The following WARS1 variants were observed in gnomAD, a reference collection of about 807,000 sequenced individuals.
WARS1 encodes the protein tryptophanyl-tRNA synthetase 1, also known as tryptophan--tRNA ligase, cytoplasmic.
A neutral mutation model predicts 47.8 loss-of-function variants in WARS1; 17 were observed. The ratio of observed to expected loss-of-function variants is 0.36; its 90% CI spans 0.24 to 0.53. The LOEUF (loss-of-function observed/expected upper bound fraction) is 0.53. WARS1 is among the 20% of genes least tolerant of loss of function. The pLI is 0.91. For synonymous variants in WARS1, 208 were observed against 228.1 expected (o/e 0.91, Z 0.79); for missense variants, 434 against 608.0 (o/e 0.71, Z 3.01).
chr14:100,368,579 A>G (rs1896149275), intron 2 of WARS1: 1 of 436,678 alleles, frequency 2.3e-6, no homozygotes, highest in Admixed American at 2.4e-5. Context: ...GGTGGGCTGG[A>G]GGGCCACTGT....
At chr14:100,356,785 C>T (rs974327900) in intron 4 of WARS1, among the ~76,000 whole-genome samples, 1 of 152,170 alleles carries the variant, frequency 6.6e-6, no homozygotes, top group Non-Finnish European at 1.5e-5. Flanking sequence ...CTTCCCAACT[C>T]ATTCTATGAG....
Position 100,342,967 on chromosome 14 carries a change from C to T in WARS1, c.939+308G>A, listed in dbSNP as rs564129208. The stretch of plus-strand genomic sequence containing the variant: ...AGGCTAGAGTGCAGTGATGCGCTCT[C>T]GCTGCAACCTCTGCCTCTGGGGTTC... On this transcript the variant is annotated intron_variant, in intron 8 of 10. Transcript: ENST00000392882. Among the ~76,000 whole-genome samples, 10 of 152,226 alleles carry T rather than the reference C, an allele frequency of 6.6e-5. No homozygotes were observed. In the South Asian group the frequency reaches 1.0e-3, roughly 16 times the overall value.
chr14:100,351,976 G>A (rs905853881), intron 6 of WARS1, among the ~76,000 whole-genome samples: 2 of 142,304 alleles, frequency 1.4e-5, no homozygotes, highest in Admixed American at 1.5e-4. Flanking sequence ...CTGGGTGACA[G>A]AGCGAGACTC....
At chr14:100,361,117 T>C (rs763784212) in intron 3 of WARS1, among the ~76,000 whole-genome samples, 2 of 152,278 alleles carry the variant, frequency 1.3e-5, no homozygotes, top group African/African-American at 4.8e-5. Flanking sequence ...TTTCCCTCAT[T>C]GATAGTCTAT....
rs1436490281 is a variant in WARS1 at position 100,373,321 on chromosome 14, C to T, written c.-74+1962G>A. On this transcript the variant is annotated intron_variant, in intron 1 of 10. Transcript: ENST00000392882. This position sits in a 1 kb window ranked among gnomAD's most constrained non-coding sequence, Gnocchi z 4.4. ...CGTCCTGGTACTGAGTTGAGCTTTC[C>T]CACATCTAAGGAGAGCCAGGCTGGT... Among the ~76,000 whole-genome samples, 1 of 152,122 alleles carries T rather than the reference C, an allele frequency of 6.6e-6. No individual in the cohort carries two copies. Among genetic ancestry groups the T allele is most frequent in the Non-Finnish European group, 1.5e-5 (1 of 68,010 alleles).
At position 100,372,603 on chromosome 14, in the gene WARS1, C is replaced by T. The variant is rs556919698; in HGVS notation, c.-74+2680G>A. ...CCAGCAACAAGCTGAGCAAATCAGT[C>T]GAAATCCATTTCTCTCTAAGGTCTC... On this transcript the variant is annotated intron_variant, in intron 1 of 10. Coordinates refer to ENST00000392882, the MANE Select transcript of WARS1 (RefSeq NM_004184.4). Among the ~76,000 whole-genome samples the T allele has an allele frequency of 1.6e-4, 25 of 152,284 alleles. No individual in the cohort carries two copies. In the East Asian group the frequency reaches 2.9e-3, roughly 18 times the overall value.
At chr14:100,340,118 T>C (rs1323627533) in intron 9 of WARS1, 1 of 152,252 alleles carries the variant, frequency 6.6e-6, no homozygotes, top group Non-Finnish European at 1.5e-5. Context: ...GTGACAGGGA[T>C]TGGCAGGACC....
chr14:100,338,995 A>G (rs999595613), intron 9 of WARS1, among the ~76,000 whole-genome samples: 3 of 151,456 alleles, frequency 2.0e-5, no homozygotes, highest in Non-Finnish European at 2.9e-5. Context: ...AATCCCAGCT[A>G]TTTGGGAGGT....
chr14:100,337,227 C>G, intron 9 of WARS1, 25 bp from the exon 10 acceptor site: 2 of 1,611,012 alleles, frequency 1.2e-6, no homozygotes, highest in Non-Finnish European at 1.7e-6. Context: ...GACACAGACA[C>G]GCTCCTCAGT....
chr14:100,356,347 C>G (rs1386723656), intron 4 of WARS1, among the ~76,000 whole-genome samples: 2 of 142,376 alleles, frequency 1.4e-5, no homozygotes, highest in Admixed American at 7.4e-5. Context: ...GACTACAAAC[C>G]AACAAAATTA....
chr14:100,358,591 T>C (rs1292062185), intron 4 of WARS1, among the ~76,000 whole-genome samples: 2 of 152,166 alleles, frequency 1.3e-5, no homozygotes, highest in Non-Finnish European at 2.9e-5. Flanking sequence ...GAAGAAACCA[T>C]AGGTGTAAAT....
intron 9 of WARS1, among the ~76,000 whole-genome samples, chr14:100,341,800 G>GT (rs1258019852): frequency 6.6e-6 from 1 of 152,228 alleles, no homozygotes; most frequent in Non-Finnish European, 1.5e-5. Context: ...CTCTCAGTGA[G>GT]AACGCTCTCT....
At chr14:100,359,643 A>G (rs1895538185) in intron 4 of WARS1, among the ~76,000 whole-genome samples, 1 of 152,198 alleles carries the variant, frequency 6.6e-6, no homozygotes, top group Non-Finnish European at 1.5e-5. Flanking sequence ...AATTTTTACA[A>G]CTTCTGGCAT....
intron 3 of WARS1, among the ~76,000 whole-genome samples, chr14:100,361,316 G>A (rs1895647943): frequency 6.6e-6 from 1 of 152,194 alleles, no homozygotes; most frequent in South Asian, 2.1e-4. Context: ...CTGCTCTTAA[G>A]CTGACTTCCA....
intron 2 of WARS1, among the ~76,000 whole-genome samples, chr14:100,362,953 A>C (rs897023295): frequency 6.6e-6 from 1 of 152,218 alleles, no homozygotes; most frequent in Non-Finnish European, 1.5e-5. Flanking sequence ...CTACAAAATT[A>C]TCTGAGACTC....
rs1006094191 is a variant in WARS1 at position 100,366,150 on chromosome 14, C to A, written c.99+2937G>T. The A allele has an allele frequency of 1.3e-4, 57 of 455,316 alleles. No homozygotes were observed. The Middle Eastern group carries it at 2.0e-3, about 16-fold the overall frequency. The allele number at this position is 455,316 out of a possible 1,614,324, so 28.2% of individuals were successfully genotyped here. A position where few individuals can be genotyped will look rare whatever the true frequency, so the allele number is the denominator to read the frequency against. Reference sequence around the variant, plus strand: ...GCAGTCTGCACAGTTGGGGCACTGGCAGCACACAGAGAATAGGGAGCTTCG... The same window carrying A: ...GCAGTCTGCACAGTTGGGGCACTGGAAGCACACAGAGAATAGGGAGCTTCG... On this transcript the variant is annotated intron_variant, in intron 2 of 10. Transcript: ENST00000392882.
intron 2 of WARS1, among the ~76,000 whole-genome samples, chr14:100,362,533 G>GAAA (rs112297906): frequency 7.1e-6 from 1 of 140,732 alleles, no homozygotes; most frequent in South Asian, 2.3e-4. Context: ...AAACTATCTT[G>GAAA]AAAAAAAAAA....
In WARS1 at chr14:100,334,107, G is replaced by A. The variant is rs1893547884; in HGVS notation, c.*768C>T. 6.5e-6 allele frequency: 1 copy of A among 152,718 alleles called. No homozygotes were observed. The highest frequency in any genetic ancestry group is 1.5e-5 in the Non-Finnish European group (1 of 68,080). 9.5% of individuals were successfully genotyped at this position (152,718 alleles called of 1,614,324 possible). On this transcript the variant is annotated 3_prime_UTR_variant, in exon 11 of 11. Transcript: ENST00000392882. The stretch of plus-strand genomic sequence containing the variant: ...GACTCCTTGGCATCGGACACAGTCA[G>A]GGGAAAAGCCACCCTGACTCTGCAG...
At chr14:100,367,937 C>T (rs917606779) in intron 2 of WARS1, among the ~76,000 whole-genome samples, 11 of 139,808 alleles carry the variant, frequency 7.9e-5, no homozygotes, top group African/African-American at 2.9e-4. Context: ...GGAAGATTTG[C>T]TCTGCCCAAA....
Sources: gnomAD v4.1 joint callset for allele counts (sites outside exome capture counted in the v4.1 genomes callset) on GRCh38, gnomAD v4.1.1 for gene constraint, Gnocchi (gnomAD v3.1) non-coding constraint, MANE v1.5 for transcripts, NCBI Gene and HGNC (gene_info 2026-07-23, HGNC 2026-07-21) for gene names.